CPS1: variants seen among roughly 807,000 people sequenced by gnomAD.
CPS1 encodes carbamoyl-phosphate synthase [ammonia], mitochondrial.
A neutral mutation model predicts 174.6 loss-of-function variants in CPS1; 109 were observed. The ratio of observed to expected loss-of-function variants is 0.62; its 90% CI spans 0.53 to 0.73. The LOEUF is 0.73. CPS1 is among the 30% of genes least tolerant of loss of function. The pLI, the probability that CPS1 is intolerant of heterozygous loss-of-function variation, is 0.00. For missense variants in CPS1, 1,689 were observed against 1,821.9 expected, an observed-to-expected ratio of 0.93 and a Z score of 1.33; for synonymous variants, 637 against 632.0, an observed-to-expected ratio of 1.01 and a Z score of -0.12.
At chr2:210,656,141 A>T (rs1372261074) in intron 29 of CPS1, among the ~76,000 whole-genome samples, 1 of 152,172 alleles carries the variant, frequency 6.6e-6, no homozygotes, top group Non-Finnish European at 1.5e-5. Flanking sequence ...ACCTAGATAG[A>T]TATTGAGCTC....
chr2:210,542,391 T>C (rs1193322378), intron 1 of CPS1, among the ~76,000 whole-genome samples: 1 of 152,082 alleles, frequency 6.6e-6, no homozygotes, highest in Non-Finnish European at 1.5e-5. Context: ...CTCTCCAACC[T>C]TCAATTGAAA....
At chr2:210,602,448 T>C (rs1428153192) in intron 16 of CPS1, 118 bp downstream of exon 16, 18 of 1,303,672 alleles carry the variant, frequency 1.4e-5, no homozygotes, top group Non-Finnish European at 1.9e-5. Context: ...ATCATGATCA[T>C]GTTCTCCAAA....
chr2:210,509,477 G>A (rs1373685448), intron 1 of CPS1, among the ~76,000 whole-genome samples: 10 of 152,148 alleles, frequency 6.6e-5, no homozygotes, highest in African/African-American at 1.9e-4. Flanking sequence ...GCACATGATA[G>A]GGATGCCCTC....
chr2:210,590,063 G>A, intron 7 of CPS1, 43 bp from the exon 8 acceptor site: 1 of 1,611,526 alleles, frequency 6.2e-7, no homozygotes, highest in Non-Finnish European at 8.5e-7. Flanking sequence ...CTTTGGCAAA[G>A]AAACATGTTA....
intron 1 of CPS1, among the ~76,000 whole-genome samples, chr2:210,478,919 C>CT (rs1488179678): frequency 9.8e-5 from 4 of 40,654 alleles, no homozygotes; most frequent in African/African-American, 1.4e-4. Context: ...CTCCTCCCCC[C>CT]TCCCCCCTTC....
intron 25 of CPS1, among the ~76,000 whole-genome samples, chr2:210,646,026 A>G (rs941597142): frequency 1.3e-5 from 2 of 152,204 alleles, no homozygotes; most frequent in Non-Finnish European, 2.9e-5. Flanking sequence ...AAAACAAGTC[A>G]ATTTAATACA....
At chr2:210,543,987 C>G (rs1465121339) in intron 1 of CPS1, among the ~76,000 whole-genome samples, 1 of 152,100 alleles carries the variant, frequency 6.6e-6, no homozygotes, top group African/African-American at 2.4e-5. Flanking sequence ...CTTTGGTGCT[C>G]TCTTCTGGGA....
chr2:210,611,536 A>G (rs1467989033), intron 19 of CPS1, among the ~76,000 whole-genome samples: 3 of 149,678 alleles, frequency 2.0e-5, no homozygotes, highest in African/African-American at 7.3e-5. Flanking sequence ...GATTGTGGAA[A>G]GACACATTGA....
At chr2:210,575,764 CTTTA>C (rs1354976792) in intron 2 of CPS1, among the ~76,000 whole-genome samples, 1 of 151,794 alleles carries the variant, frequency 6.6e-6, no homozygotes, top group African/African-American at 2.4e-5. Context: ...TAAAAATCAA[CTTTA>C]TTGAGTTATT....
chr2:210,559,359 T>G (rs924405304), intron 1 of CPS1, among the ~76,000 whole-genome samples: 2 of 152,044 alleles, frequency 1.3e-5, no homozygotes, highest in African/African-American at 4.8e-5. Flanking sequence ...GCTTTTCCTC[T>G]CTCTTTGATG....
At chr2:210,653,525 G>A (rs1449165181) in intron 28 of CPS1, among the ~76,000 whole-genome samples, 4 of 152,120 alleles carry the variant, frequency 2.6e-5, no homozygotes, top group Non-Finnish European at 4.4e-5. Flanking sequence ...TTCATCTTTG[G>A]CCCAATAAGA....
chr2:210,599,252 G>A (rs984901492), intron 13 of CPS1, 120 bp from the exon 14 acceptor site: 44 of 838,440 alleles, frequency 5.2e-5, no homozygotes, highest in Middle Eastern at 6.8e-4. Flanking sequence ...GTCCTGTTAC[G>A]GATCTCTACG....
At chr2:210,629,920 A>T (rs1330736989) in intron 21 of CPS1, among the ~76,000 whole-genome samples, 2 of 151,474 alleles carry the variant, frequency 1.3e-5, no homozygotes, top group East Asian at 2.0e-4. Flanking sequence ...TTAAAAAAAT[A>T]AAATTAGCCG....
chr2:210,603,424 A>C (rs145436068), intron 16 of CPS1, among the ~76,000 whole-genome samples: 1 of 151,934 alleles, frequency 6.6e-6, no homozygotes, highest in African/African-American at 2.4e-5. Flanking sequence ...GAAAATTACA[A>C]AAAAGGGAAA....
At chr2:210,567,242 C>T (rs923542936) in intron 1 of CPS1, among the ~76,000 whole-genome samples, 11 of 151,980 alleles carry the variant, frequency 7.2e-5, no homozygotes, top group Non-Finnish European at 1.3e-4. Context: ...TTAAAGTATA[C>T]GTTATCTTTA....
At chr2:210,671,120 A>G (rs1327207463) in intron 34 of CPS1, among the ~76,000 whole-genome samples, 2 of 152,184 alleles carry the variant, frequency 1.3e-5, no homozygotes, top group African/African-American at 4.8e-5. Context: ...GTTTTCTGGA[A>G]GACCCTTTAA....
chr2:210,588,240 C>G (rs2106104162), intron 7 of CPS1, 93 bp downstream of exon 7: 1 of 1,075,534 alleles, frequency 9.3e-7, no homozygotes, highest in Non-Finnish European at 1.4e-6. Context: ...CTTATGCATT[C>G]TTTCAGAATG....
chr2:210,636,990 A>C (rs1323774775), intron 21 of CPS1, among the ~76,000 whole-genome samples: 1 of 152,204 alleles, frequency 6.6e-6, no homozygotes, highest in African/African-American at 2.4e-5. Flanking sequence ...TAATTTAGGG[A>C]GAGGATATCC....
chr2:210,497,174 ATG>A (rs1404009593), intron 1 of CPS1, among the ~76,000 whole-genome samples: 1 of 152,190 alleles, frequency 6.6e-6, no homozygotes, highest in Non-Finnish European at 1.5e-5. Flanking sequence ...TTTTTAAAAA[ATG>A]TATTACTGTT....
Sources: gnomAD v4.1 joint callset for allele counts (sites outside exome capture counted in the v4.1 genomes callset) on GRCh38, gnomAD v4.1.1 for gene constraint, MANE v1.5 for transcripts, NCBI Gene and HGNC (gene_info 2026-07-23, HGNC 2026-07-21) for gene names.